WDR48: variants seen among roughly 807,000 people sequenced by gnomAD.
The protein encoded by WDR48 is WD repeat-containing protein 48.
A neutral mutation model predicts 94.0 loss-of-function variants in WDR48; 22 were observed. The observed-to-expected ratio is 0.23, with a 90% CI of 0.17 to 0.33. The LOEUF (loss-of-function observed/expected upper bound fraction) is 0.33. WDR48 is among the 10% of genes least tolerant of loss of function. The probability of loss-of-function intolerance (pLI) is 1.00; values close to 1 mark genes in which losing one functional copy is unlikely to be tolerated. For synonymous variants in WDR48, 278 were observed against 280.5 expected, an observed-to-expected ratio of 0.99 and a Z score of 0.09; for missense variants, 541 against 813.8, an observed-to-expected ratio of 0.66 and a Z score of 4.08.
rs544286022 is a variant in WDR48, at chr3:39,096,100, G to C, written c.*1357G>C. On this transcript the variant is annotated 3_prime_UTR_variant, in exon 19 of 19. Coordinates refer to ENST00000302313, the MANE Select transcript of WDR48 (RefSeq NM_020839.4). ...TTCACAGGTTCGGCTGGGGGCAGCT[G>C]ATAGGCCTAAGGCCATACCTTACTA... 6.6e-6 allele frequency: 1 copy of C among 152,638 alleles called. No homozygotes were observed. The highest frequency in any genetic ancestry group is 1.9e-4 in the East Asian group (1 of 5,188). The allele number at this position is 152,638 out of a possible 1,614,324, so 9.5% of individuals were successfully genotyped here.
At chr3:39,082,546 CTG>C (rs2125673758) in intron 11 of WDR48, among the ~76,000 whole-genome samples, 1 of 152,216 alleles carries the variant, frequency 6.6e-6, no homozygotes, top group East Asian at 1.9e-4. Flanking sequence ...TCCCACAGTG[CTG>C]AGATTACAGG....
intron 1 of WDR48, among the ~76,000 whole-genome samples, chr3:39,059,074 CAAAAA>C (rs1178955423): frequency 1.2e-3 from 84 of 69,720 alleles, no homozygotes; most frequent in African/African-American, 2.9e-3. Context: ...GACTCCGTCT[CAAAAA>C]AAAAAAAAAA....
intron 1 of WDR48, among the ~76,000 whole-genome samples, chr3:39,056,500 A>C (rs2032897769): frequency 6.6e-6 from 1 of 152,222 alleles, no homozygotes; most frequent in Non-Finnish European, 1.5e-5. Flanking sequence ...ACAAACAAGA[A>C]ATGTCACAAC....
In WDR48 at chr3:39,065,909, A is replaced by G. The variant is rs373042390; in HGVS notation, c.268+20A>G. 16 of 1,543,466 alleles carry G rather than the reference A, an allele frequency of 1.0e-5. No individual in the cohort carries two copies. The African/African-American group carries it at 2.0e-4, about 19-fold the overall frequency. On this transcript the variant is annotated intron_variant, in intron 3 of 18. Transcript: ENST00000302313. ...AAACATGTAAGTATTTCTTTGGATT[A>G]TTATTGGGCTTCTGATATATTTTTT...
chr3:39,058,506 G>A (rs2033041706), intron 1 of WDR48, among the ~76,000 whole-genome samples: 1 of 152,098 alleles, frequency 6.6e-6, no homozygotes, highest in African/African-American at 2.4e-5. Flanking sequence ...CCAGAAGTCT[G>A]GATATCAAGA....
intron 13 of WDR48, among the ~76,000 whole-genome samples, chr3:39,085,048 A>C (rs931525126): frequency 6.6e-6 from 1 of 152,290 alleles, no homozygotes; most frequent in Middle Eastern, 3.4e-3. Context: ...TAACACGGTG[A>C]AACCCCGTCT....
intron 8 of WDR48, among the ~76,000 whole-genome samples, chr3:39,076,142 A>C (rs532446539): frequency 1.6e-4 from 25 of 152,342 alleles, no homozygotes; most frequent in African/African-American, 6.0e-4. Context: ...ACTGTTGTGT[A>C]GGAGGAAGGG....
intron 8 of WDR48, among the ~76,000 whole-genome samples, chr3:39,075,180 T>C (rs968100684): frequency 7.6e-5 from 11 of 145,490 alleles, no homozygotes; most frequent in African/African-American, 2.6e-4. Context: ...TGGGGCACTT[T>C]TGTGTTTTGC....
intron 17 of WDR48, among the ~76,000 whole-genome samples, chr3:39,092,884 C>CACACA (rs1047821254): frequency 4.6e-5 from 7 of 151,670 alleles, no homozygotes; most frequent in Admixed American, 1.3e-4. Flanking sequence ...TCTACACACA[C>CACACA]ACACACACAC....
chr3:39,074,804 C>T lies in WDR48; in HGVS notation c.751C>T (p.His251Tyr). The T allele has an allele frequency of 2.5e-6, 4 of 1,614,126 alleles. No homozygotes were observed. The highest frequency in any genetic ancestry group is 3.4e-6 in the Non-Finnish European group (4 of 1,180,028). ...QQRCIATYRVHDEGVWALQVN... is the reference protein window; with the variant it reads ...QQRCIATYRVYDEGVWALQVN... ...GAGATGTATAGCAACATACCGAGTCCATGATGAAGGTGTTTGGGCGCTGCA... is the reference window on the plus strand; with the variant it reads ...GAGATGTATAGCAACATACCGAGTCTATGATGAAGGTGTTTGGGCGCTGCA... Residue 251 changes from histidine (H) to tyrosine (Y), a missense_variant, in exon 8 of 19, where the codon CAT becomes TAT. By Grantham distance (83) the His-to-Tyr change is moderately conservative. Around this residue, in one of 5 missense-constraint regions of WDR48, gnomAD observed 104 missense variants for 189.7 expected, o/e 0.55. Transcript: ENST00000302313.
At chr3:39,066,348 T>A (rs536007100) in intron 3 of WDR48, among the ~76,000 whole-genome samples, 200 bp from the exon 4 acceptor site, 24 of 152,326 alleles carry the variant, frequency 1.6e-4, no homozygotes, top group African/African-American at 5.8e-4. Flanking sequence ...AAAAATATAT[T>A]TTTTTCTTTG....
In WDR48 at chr3:39,093,950, G is replaced by A. The variant is rs2035213728; in HGVS notation, c.1822G>A (p.Asp608Asn). The A allele has an allele frequency of 6.2e-7, 1 of 1,613,964 alleles. No homozygotes were observed. Among genetic ancestry groups the A allele is most frequent in the Non-Finnish European group, 8.5e-7 (1 of 1,179,954 alleles). ...TGTTTATGAAAAAATTATCAACTTG[G>A]ATAATGAGTCTCAAACCACTAGCTC... ...EHVYEKIINLDNESQTTSSSN... is the reference protein window; with the variant it reads ...EHVYEKIINLNNESQTTSSSN... The change falls in exon 18 of 19, where the codon GAT becomes AAT. Residue 608 changes from aspartate to asparagine, a missense_variant. Transcript: ENST00000302313.
At chr3:39,054,903 T>C (rs1201787519) in intron 1 of WDR48, among the ~76,000 whole-genome samples, 1 of 152,174 alleles carries the variant, frequency 6.6e-6, no homozygotes, top group South Asian at 2.1e-4. Context: ...TCAGGAAGGG[T>C]AATAGCAGTG....
rs745561822 is a variant in WDR48 at position 39,074,854 on chromosome 3, G to A, written c.801G>A (p.Val267=). ...ALQVNDAFTH[V]YSGGRDRKIY... is the part of the protein sequence containing the mutation. Reference sequence around the variant, plus strand: ...AAGTCAATGATGCCTTCACACATGTGTATTCTGGTGGAAGGGACAGGAAGA... The same window carrying A: ...AAGTCAATGATGCCTTCACACATGTATATTCTGGTGGAAGGGACAGGAAGA... The change falls in exon 8 of 19, where the codon GTG becomes GTA. Residue 267 remains valine (V), a synonymous_variant. Transcript: ENST00000302313. 4.3e-6 allele frequency: 7 copies of A among 1,614,184 alleles called. No individual in the cohort carries two copies. The highest frequency in any genetic ancestry group is 2.2e-5 in the South Asian group (2 of 91,086).
chr3:39,094,168 A>G, intron 18 of WDR48, 102 bp downstream of exon 18: 1 of 1,496,454 alleles, frequency 6.7e-7, no homozygotes, highest in Non-Finnish European at 8.9e-7. Flanking sequence ...GAGGGGCTCT[A>G]AGGAGCCCTG....
rs2034759258 is a variant in WDR48 at position 39,085,368 on chromosome 3, T to A, written c.1379-147T>A. The A allele has an allele frequency of 7.4e-6, 5 of 678,346 alleles. No homozygotes were observed. The South Asian group carries it at 8.9e-5, about 12-fold the overall frequency. 42.0% of individuals were successfully genotyped at this position (678,346 alleles called of 1,614,324 possible). A position where few individuals can be genotyped will look rare whatever the true frequency, so the allele number is the denominator to read the frequency against. ...ATTTTAGCAGAATTGGCAAAATGAC[T>A]AAAGTCTTTATTTTAGACATCATTC... On this transcript the variant is annotated intron_variant, in intron 13 of 18. Coordinates refer to ENST00000302313, the MANE Select transcript of WDR48 (RefSeq NM_020839.4).
chr3:39,077,060 A>C lies in WDR48; in HGVS notation c.898-79A>C. The C allele has an allele frequency of 6.7e-6, 10 of 1,497,290 alleles. No homozygotes were observed. The Admixed American group carries it at 1.7e-4, about 26-fold the overall frequency. The allele number at this position is 1,497,290 out of a possible 1,614,324, so 92.8% of individuals were successfully genotyped here. On this transcript the variant is annotated intron_variant, in intron 8 of 18. Coordinates refer to ENST00000302313, the MANE Select transcript of WDR48 (RefSeq NM_020839.4). ...CCACAATTGTTGAATGAAGGAGTTG[A>C]TATTAATAACATATCTAGTCCTGGC...
intron 16 of WDR48, 99 bp downstream of exon 16, chr3:39,089,417 T>C (rs1323701342): frequency 9.8e-6 from 11 of 1,127,758 alleles, no homozygotes; most frequent in East Asian, 7.8e-5. Context: ...TAATAAAAGC[T>C]AGACTCCCAA....
At position 39,074,727 on chromosome 3, in the gene WDR48, G is replaced by T. The variant is rs1273783107; in HGVS notation, c.674G>T (p.Cys225Phe). 1.9e-6 allele frequency: 3 copies of T among 1,613,666 alleles called. 1 individual carries two copies. Among genetic ancestry groups the T allele is most frequent in the Non-Finnish European group, 2.5e-6 (3 of 1,179,648 alleles). ...ALLLNRDGTQ[C>F]LSGSSDGTIR... is the part of the protein sequence containing the mutation. ...AACTTTGCCTTTCTTTGTTTGCAGTGCCTGTCAGGCAGTTCTGATGGGACA... is the reference window on the plus strand; with the variant it reads ...AACTTTGCCTTTCTTTGTTTGCAGTTCCTGTCAGGCAGTTCTGATGGGACA... The change falls in exon 8 of 19, where the codon TGC (cysteine) becomes TTC (phenylalanine). Residue 225 changes from cysteine to phenylalanine, a missense_variant and splice_region_variant. Cys to Phe is a radical substitution (Grantham distance 205, BLOSUM62 -2). Transcript: ENST00000302313.
Sources: allele counts gnomAD v4.1 joint callset (sites outside exome capture counted in the v4.1 genomes callset), GRCh38; gene constraint gnomAD v4.1.1; regional missense constraint gnomAD v4.1.1; transcripts MANE v1.5; gene names NCBI Gene and HGNC (gene_info 2026-07-23, HGNC 2026-07-21).